The following TNFRSF8 variants were observed in gnomAD, a reference collection of about 807,000 sequenced individuals.
TNFRSF8 encodes TNF receptor superfamily member 8.
In TNFRSF8, 26 loss-of-function variants were observed where a neutral mutation model predicts 70.8. That is an observed-to-expected ratio of 0.37 (90% CI 0.27 to 0.51). TNFRSF8 has a LOEUF of 0.51. Ranked by LOEUF, TNFRSF8 falls within the 20% of genes least tolerant of loss-of-function variation. The pLI, the probability that TNFRSF8 is intolerant of heterozygous loss-of-function variation, is 0.94. For synonymous variants in TNFRSF8, 356 were observed against 339.2 expected, an observed-to-expected ratio of 1.05 and a Z score of -0.54; for missense variants, 720 against 807.9, an observed-to-expected ratio of 0.89 and a Z score of 1.32.
intron 12 of TNFRSF8, among the ~76,000 whole-genome samples, chr1:12,126,552 G>A (rs1641944240): frequency 1.3e-5 from 2 of 151,950 alleles, no homozygotes; most frequent in South Asian, 4.2e-4. Flanking sequence ...ACCCCCAGGG[G>A]GCATTCCTGC....
chr1:12,074,202 C>G (rs1025365818), intron 1 of TNFRSF8, among the ~76,000 whole-genome samples: 4 of 152,090 alleles, frequency 2.6e-5, no homozygotes, highest in Non-Finnish European at 5.9e-5. Flanking sequence ...TGTCCACCTC[C>G]CCACCACATT....
At chr1:12,127,984 G>A (rs1641972246) in intron 12 of TNFRSF8, among the ~76,000 whole-genome samples, 1 of 152,178 alleles carries the variant, frequency 6.6e-6, no homozygotes, top group Non-Finnish European at 1.5e-5. Context: ...TGGGGTCTGG[G>A]TTCCGAGGCT....
intron 11 of TNFRSF8, 24 bp from the exon 12 acceptor site, chr1:12,126,159 G>A (rs868282384): frequency 3.1e-6 from 5 of 1,614,096 alleles, no homozygotes; most frequent in Middle Eastern, 1.6e-4. Flanking sequence ...GCCACCCCCA[G>A]CCTTCCTCCT....
intron 8 of TNFRSF8, among the ~76,000 whole-genome samples, chr1:12,116,473 G>A (rs2101015317): frequency 6.6e-6 from 1 of 152,218 alleles, no homozygotes; most frequent in Admixed American, 6.5e-5. Context: ...CAAATCTCCA[G>A]GTGGTTTAAA....
chr1:12,138,132 G>T lies in TNFRSF8; in HGVS notation c.1336-97G>T, dbSNP rs1383412970. On this transcript the variant is annotated intron_variant, in intron 13 of 14. Coordinates refer to ENST00000263932, the MANE Select transcript of TNFRSF8 (RefSeq NM_001243.5). The surrounding 1 kb of genome is among the most constrained non-coding windows in gnomAD (Gnocchi z 5.7). ...TTAAAGCAGAAAGGGGGACTCACTG[G>T]GGTCTGTAGAGATGAAAAAAAAAAG... The T allele has an allele frequency of 7.9e-7, 1 of 1,259,700 alleles. No homozygotes were observed. Among genetic ancestry groups the T allele is most frequent in the East Asian group, 2.5e-5 (1 of 40,710 alleles). 78.0% of individuals were successfully genotyped at this position (1,259,700 alleles called of 1,614,324 possible).
rs1056065713 is a variant in TNFRSF8 at position 12,088,408 on chromosome 1, T to G, written c.151+3857T>G. Among the ~76,000 whole-genome samples, 6 of 152,072 alleles carry G rather than the reference T, an allele frequency of 3.9e-5. No individual in the cohort carries two copies. The highest frequency in any genetic ancestry group is 1.4e-4 in the African/African-American group (6 of 41,398). ...GTTCAGGAATTTGCACAAGGCCACATGCGTATCAGTGGCTCAGCCGGGCCG... is the reference window on the plus strand; with the variant it reads ...GTTCAGGAATTTGCACAAGGCCACAGGCGTATCAGTGGCTCAGCCGGGCCG... On this transcript the variant is annotated intron_variant, in intron 2 of 14. Coordinates refer to ENST00000263932, the MANE Select transcript of TNFRSF8 (RefSeq NM_001243.5). This position sits in a 1 kb window ranked among gnomAD's most constrained non-coding sequence, Gnocchi z 4.0.
chr1:12,118,311 A>G (rs1051605227), intron 8 of TNFRSF8, among the ~76,000 whole-genome samples: 7 of 152,000 alleles, frequency 4.6e-5, no homozygotes, highest in African/African-American at 1.7e-4. Context: ...GGGTTTCACC[A>G]CATTGGTCAG....
chr1:12,063,504 C>T lies in TNFRSF8; in HGVS notation c.-95C>T, dbSNP rs911780550. 77 of 1,166,086 alleles carry T rather than the reference C, an allele frequency of 6.6e-5. No individual in the cohort carries two copies. Among genetic ancestry groups the T allele is most frequent in the Admixed American group, 8.5e-5 (2 of 23,562 alleles). The allele number at this position is 1,166,086 out of a possible 1,614,324, so 72.2% of individuals were successfully genotyped here. On this transcript the variant is annotated 5_prime_UTR_variant, in exon 1 of 15. Coordinates refer to ENST00000263932, the MANE Select transcript of TNFRSF8 (RefSeq NM_001243.5). This position sits in a 1 kb window ranked among gnomAD's most constrained non-coding sequence, Gnocchi z 7.2. ...TGGAGCCTGAAGTCCACGCGCGCGG[C>T]TGAGAACCGCCGGGACCGCACGTGG...
At position 12,109,795 on chromosome 1, in the gene TNFRSF8, G is replaced by A. The variant is rs1641595480; in HGVS notation, c.512+139G>A. 2.4e-6 allele frequency: 2 copies of A among 837,476 alleles called. No homozygotes were observed. The highest frequency in any genetic ancestry group is 3.8e-6 in the Non-Finnish European group (2 of 529,240). 51.9% of individuals were successfully genotyped at this position (837,476 alleles called of 1,614,324 possible). On this transcript the variant is annotated intron_variant, in intron 5 of 14. Coordinates refer to ENST00000263932, the MANE Select transcript of TNFRSF8 (RefSeq NM_001243.5). The surrounding 1 kb of genome is among the most constrained non-coding windows in gnomAD (Gnocchi z 4.4). ...GCCCATGGTGTCAGCACTTTGGGGT[G>A]CCTCTCTGCCAAGCCCCTCAGATCA... is the stretch of plus-strand genomic sequence containing the variant.
chr1:12,117,285 G>A (rs1037372384), intron 8 of TNFRSF8, among the ~76,000 whole-genome samples: 1 of 152,068 alleles, frequency 6.6e-6, no homozygotes, highest in Admixed American at 6.6e-5. Context: ...GTTTTGCCAT[G>A]TTGGCCAGGC....
At position 12,063,516 on chromosome 1, in the gene TNFRSF8, G is replaced by T; in HGVS notation, c.-83G>T. 8.1e-7 allele frequency: 1 copy of T among 1,232,388 alleles called. No individual in the cohort carries two copies. The allele number at this position is 1,232,388 out of a possible 1,614,324, so 76.3% of individuals were successfully genotyped here. ...TCCACGCGCGCGGCTGAGAACCGCC[G>T]GGACCGCACGTGGGCGCCGCGCGCT... On this transcript the variant is annotated 5_prime_UTR_variant, in exon 1 of 15. Coordinates refer to ENST00000263932, the MANE Select transcript of TNFRSF8 (RefSeq NM_001243.5). This position sits in a 1 kb window ranked among gnomAD's most constrained non-coding sequence, Gnocchi z 7.2.
Position 12,115,518 on chromosome 1 carries a change from T to C in TNFRSF8, c.794-59T>C, listed in dbSNP as rs1641710939. 3 of 1,593,618 alleles carry C rather than the reference T, an allele frequency of 1.9e-6. No individual in the cohort carries two copies. The Admixed American group carries it at 5.0e-5, about 27-fold the overall frequency. ...CTTCTCTGTCTTCCTGGGGGCTCTC[T>C]GGACCCCCTGCCCTTGCCATACTGA... On this transcript the variant is annotated intron_variant, in intron 7 of 14. Coordinates refer to ENST00000263932, the MANE Select transcript of TNFRSF8 (RefSeq NM_001243.5).
At chr1:12,070,157 G>T (rs531179174) in intron 1 of TNFRSF8, among the ~76,000 whole-genome samples, 3 of 112,572 alleles carry the variant, frequency 2.7e-5, no homozygotes, top group Admixed American at 1.1e-4. Context: ...GGGGGCTGGG[G>T]GATTGGGGGG....
chr1:12,134,521 G>T (rs1642109865), intron 12 of TNFRSF8, among the ~76,000 whole-genome samples: 1 of 152,192 alleles, frequency 6.6e-6, no homozygotes, highest in African/African-American at 2.4e-5. Flanking sequence ...GGAGTGGAGG[G>T]TAGAGGTTTG....
At chr1:12,114,823 C>G (rs1157046894) in intron 7 of TNFRSF8, among the ~76,000 whole-genome samples, 1 of 150,714 alleles carries the variant, frequency 6.6e-6, no homozygotes, top group Non-Finnish European at 1.5e-5. Context: ...ATTCTCCTGC[C>G]TCAGCCTCCT....
At chr1:12,140,148 C>G (rs554839086) in intron 14 of TNFRSF8, among the ~76,000 whole-genome samples, 1 of 152,320 alleles carries the variant, frequency 6.6e-6, no homozygotes, top group South Asian at 2.1e-4. Context: ...GAAGGAAGTA[C>G]CAGGCTCCCA....
At chr1:12,078,385 G>A (rs1293311818) in intron 1 of TNFRSF8, among the ~76,000 whole-genome samples, 1 of 152,026 alleles carries the variant, frequency 6.6e-6, no homozygotes, top group African/African-American at 2.4e-5. Flanking sequence ...TCAACATGGT[G>A]AAACCCTGCC....
chr1:12,126,153 C>T, intron 11 of TNFRSF8, 30 bp from the exon 12 acceptor site: 6 of 1,613,972 alleles, frequency 3.7e-6, no homozygotes, highest in Non-Finnish European at 5.1e-6. Flanking sequence ...GAGGCCGCCA[C>T]CCCCAGCCTT....
chr1:12,100,131 T>G (rs1456181852), intron 3 of TNFRSF8, among the ~76,000 whole-genome samples: 1 of 151,956 alleles, frequency 6.6e-6, no homozygotes, highest in Non-Finnish European at 1.5e-5. Context: ...ATCATGCCAC[T>G]GCACTCCAGC....
Sources: gnomAD v4.1 joint callset for allele counts (sites outside exome capture counted in the v4.1 genomes callset) on GRCh38, gnomAD v4.1.1 for gene constraint, Gnocchi (gnomAD v3.1) non-coding constraint, MANE v1.5 for transcripts, NCBI Gene and HGNC (gene_info 2026-07-23, HGNC 2026-07-21) for gene names.